PRKCE: variants seen among roughly 807,000 people sequenced by gnomAD.
The protein encoded by PRKCE is protein kinase C epsilon, also known as protein kinase C epsilon type.
In PRKCE, 16 loss-of-function variants were observed where a neutral mutation model predicts 85.4. The ratio of observed to expected loss-of-function variants is 0.19; its 90% confidence interval spans 0.13 to 0.28. The LOEUF (loss-of-function observed/expected upper bound fraction) is 0.28, where lower values mean the gene tolerates loss of function less well. Ranked by LOEUF, PRKCE falls within the 10% of genes least tolerant of loss-of-function variation. PRKCE has a pLI of 1.00. For missense variants in PRKCE, 573 were observed against 975.2 expected (o/e 0.59, Z 5.49); for synonymous variants, 388 against 371.5 (o/e 1.04, Z -0.51).
chr2:45,672,277 T>C (rs200881616), intron 1 of PRKCE, among the ~76,000 whole-genome samples: 2 of 149,442 alleles, frequency 1.3e-5, no homozygotes, highest in East Asian at 2.1e-4. Flanking sequence ...CATCCATCCA[T>C]CCACCCACCC....
At chr2:45,684,519 T>C (rs916379350) in intron 1 of PRKCE, among the ~76,000 whole-genome samples, 2 of 152,270 alleles carry the variant, frequency 1.3e-5, no homozygotes, top group Non-Finnish European at 2.9e-5. Flanking sequence ...CCTCACTACA[T>C]TGAGAGGCAT....
intron 1 of PRKCE, among the ~76,000 whole-genome samples, chr2:45,707,761 G>A (rs1365699478): frequency 6.6e-6 from 1 of 152,214 alleles, no homozygotes; most frequent in Non-Finnish European, 1.5e-5. Flanking sequence ...AATAGCTCCT[G>A]CATCCTCCCA....
At position 46,159,710 on chromosome 2, in the gene PRKCE, C is replaced by T; in HGVS notation, c.2025C>T (p.Leu675=). 6.3e-7 allele frequency: 1 copy of T among 1,599,322 alleles called. No individual in the cohort carries two copies. The highest frequency in any genetic ancestry group is 2.2e-5 in the East Asian group (1 of 44,862). The change falls in exon 14 of 15, where the codon CTC becomes CTT. Residue 675 remains leucine, a synonymous_variant. Transcript: ENST00000306156. The surrounding 1 kb of genome is among the most constrained non-coding windows in gnomAD (Gnocchi z 4.1). ...HPFFKEIDWV[L]LEQKKIKPPF... is the part of the protein sequence containing the mutation. ...TCTTCAAAGAGATTGACTGGGTGCT[C>T]CTGGAGCAGAAGAAGATCAAGCCAC...
chr2:45,963,795 A>G (rs1701546670), intron 2 of PRKCE, among the ~76,000 whole-genome samples: 1 of 152,150 alleles, frequency 6.6e-6, no homozygotes, highest in Admixed American at 6.6e-5. Context: ...GGGAAAGACC[A>G]TTATTTTTCT....
intron 6 of PRKCE, among the ~76,000 whole-genome samples, chr2:45,996,067 C>T (rs375963740): frequency 6.6e-6 from 1 of 151,912 alleles, no homozygotes; most frequent in Non-Finnish European, 1.5e-5. Flanking sequence ...TTATATAGAT[C>T]TTGTACATAT....
At chr2:46,109,958 C>T (rs1488131757) in intron 11 of PRKCE, among the ~76,000 whole-genome samples, 1 of 152,160 alleles carries the variant, frequency 6.6e-6, no homozygotes, top group East Asian at 1.9e-4. Context: ...TTGATATGAT[C>T]AAATGATTTT....
chr2:45,787,713 G>A (rs1184745422), intron 1 of PRKCE, among the ~76,000 whole-genome samples: 1 of 152,200 alleles, frequency 6.6e-6, no homozygotes. Context: ...CGTATCAACA[G>A]AAGAGACCTG....
At chr2:45,801,150 T>A (rs1469394074) in intron 1 of PRKCE, among the ~76,000 whole-genome samples, 3 of 151,940 alleles carry the variant, frequency 2.0e-5, no homozygotes, top group African/African-American at 7.3e-5. Flanking sequence ...TGGTGAGAGA[T>A]GTGTTGAGAA....
chr2:46,073,023 C>A (rs1668209319), intron 10 of PRKCE, among the ~76,000 whole-genome samples: 1 of 152,190 alleles, frequency 6.6e-6, no homozygotes, highest in African/African-American at 2.4e-5. Flanking sequence ...CCAGGGCCCA[C>A]CCCAGAATCA....
intron 14 of PRKCE, among the ~76,000 whole-genome samples, chr2:46,163,713 A>T (rs6705420): frequency 7.8e-6 from 1 of 127,968 alleles, no homozygotes; most frequent in Non-Finnish European, 1.6e-5. Flanking sequence ...GCACACCCCA[A>T]AGAGGCCACT....
chr2:46,013,488 G>A (rs937947390), intron 10 of PRKCE, among the ~76,000 whole-genome samples: 2 of 152,204 alleles, frequency 1.3e-5, no homozygotes, highest in African/African-American at 4.8e-5. Flanking sequence ...ATCAAGCCAG[G>A]CTTTGAAAGG....
intron 1 of PRKCE, among the ~76,000 whole-genome samples, chr2:45,683,438 C>T (rs1017383670): frequency 1.3e-5 from 2 of 152,180 alleles, no homozygotes; most frequent in African/African-American, 4.8e-5. Flanking sequence ...TTGCCCTTCT[C>T]AGAAATAGTG....
At chr2:45,971,744 G>T (rs1374519297) in intron 2 of PRKCE, among the ~76,000 whole-genome samples, 1 of 152,210 alleles carries the variant, frequency 6.6e-6, no homozygotes, top group African/African-American at 2.4e-5. Flanking sequence ...TTCCACCAGT[G>T]TCAACGAATG....
At chr2:45,793,858 T>C (rs1288690077) in intron 1 of PRKCE, among the ~76,000 whole-genome samples, 1 of 152,196 alleles carries the variant, frequency 6.6e-6, no homozygotes, top group Non-Finnish European at 1.5e-5. Context: ...CCCTGTTACA[T>C]AGCCAGGAAC....
intron 1 of PRKCE, among the ~76,000 whole-genome samples, chr2:45,766,782 G>A (rs1242838747): frequency 6.6e-6 from 1 of 152,244 alleles, no homozygotes; most frequent in Non-Finnish European, 1.5e-5. Flanking sequence ...GCTCATGCCT[G>A]TAATCCTAGC....
intron 1 of PRKCE, among the ~76,000 whole-genome samples, chr2:45,662,086 AGACT>A (rs765006465): frequency 6.6e-5 from 10 of 152,182 alleles, no homozygotes; most frequent in Non-Finnish European, 1.3e-4. Flanking sequence ...TTCTTTAATC[AGACT>A]GACTGAGTCT....
At chr2:45,713,965 C>G (rs1473212312) in intron 1 of PRKCE, among the ~76,000 whole-genome samples, 1 of 152,212 alleles carries the variant, frequency 6.6e-6, no homozygotes, top group Non-Finnish European at 1.5e-5. Flanking sequence ...ACCCCCACAC[C>G]TCCAAAAGGG....
At chr2:45,711,132 C>T (rs932865744) in intron 1 of PRKCE, among the ~76,000 whole-genome samples, 2 of 152,194 alleles carry the variant, frequency 1.3e-5, no homozygotes, top group African/African-American at 4.8e-5. Flanking sequence ...TAACGTGCAA[C>T]TCAACCACTT....
At chr2:45,687,068 T>A (rs186616326) in intron 1 of PRKCE, among the ~76,000 whole-genome samples, 79 of 152,064 alleles carry the variant, frequency 5.2e-4, no homozygotes, top group Non-Finnish European at 8.1e-4. Flanking sequence ...ACACAAACCA[T>A]GGAAATCAAA....
Sources: gnomAD v4.1 joint callset for allele counts (sites outside exome capture counted in the v4.1 genomes callset) on GRCh38, gnomAD v4.1.1 for gene constraint, Gnocchi (gnomAD v3.1) non-coding constraint, MANE v1.5 for transcripts, NCBI Gene and HGNC (gene_info 2026-07-23, HGNC 2026-07-21) for gene names.